Variants in NEGR1 observed in about 807,000 individuals in gnomAD.
NEGR1 encodes IgLON family member 4.
NEGR1 carries 10 observed loss-of-function variants against 40.9 expected under a neutral mutation model. The ratio of observed to expected loss-of-function variants is 0.24; its 90% CI spans 0.15 to 0.42. The LOEUF is 0.42. Among genes scored for constraint, NEGR1 ranks in the 10% least tolerant of loss-of-function variants. The probability of loss-of-function intolerance (pLI) is 1.00; values close to 1 mark genes in which losing one functional copy is unlikely to be tolerated. For synonymous variants in NEGR1, 185 were observed against 166.8 expected (o/e 1.11, Z -0.84); for missense variants, 352 against 438.9 (o/e 0.80, Z 1.77).
chr1:71,469,757 T>G (rs1197653594), intron 6 of NEGR1, among the ~76,000 whole-genome samples: 4 of 152,062 alleles, frequency 2.6e-5, no homozygotes, highest in Non-Finnish European at 5.9e-5. Flanking sequence ...TAAAATACAT[T>G]AATTTTTGTG....
chr1:71,741,615 T>A (rs545250962), intron 3 of NEGR1, among the ~76,000 whole-genome samples: 6 of 152,284 alleles, frequency 3.9e-5, no homozygotes, highest in Admixed American at 3.3e-4. Context: ...TGAATTTATG[T>A]TATTTGGTGG....
intron 1 of NEGR1, among the ~76,000 whole-genome samples, chr1:72,151,124 G>C (rs1025317706): frequency 6.6e-6 from 1 of 151,744 alleles, no homozygotes; most frequent in Non-Finnish European, 1.5e-5. Context: ...TTACAATATA[G>C]AGAAACAAAC....
At chr1:71,595,401 C>T (rs969717649) in intron 5 of NEGR1, among the ~76,000 whole-genome samples, 7 of 152,148 alleles carry the variant, frequency 4.6e-5, no homozygotes, top group Non-Finnish European at 7.3e-5. Flanking sequence ...AGTGCTAACT[C>T]CTCAAACATC....
chr1:71,568,259 C>T (rs149843451), intron 6 of NEGR1, among the ~76,000 whole-genome samples: 7 of 152,234 alleles, frequency 4.6e-5, no homozygotes, highest in Non-Finnish European at 7.4e-5. Flanking sequence ...ATGGGGGATA[C>T]GCATTCCATA....
chr1:71,722,094 CTAT>C (rs1447297636), intron 3 of NEGR1, among the ~76,000 whole-genome samples: 1 of 151,976 alleles, frequency 6.6e-6, no homozygotes, highest in Non-Finnish European at 1.5e-5. Context: ...CAATTAAGTG[CTAT>C]TATCTGGTTG....
At chr1:72,238,827 C>T (rs1334130959) in intron 1 of NEGR1, among the ~76,000 whole-genome samples, 1 of 151,856 alleles carries the variant, frequency 6.6e-6, no homozygotes, top group South Asian at 2.1e-4. Flanking sequence ...GCAAAGAAGG[C>T]ATAGAAGAGG....
At chr1:71,865,279 T>C (rs984268463) in intron 2 of NEGR1, among the ~76,000 whole-genome samples, 3 of 152,178 alleles carry the variant, frequency 2.0e-5, no homozygotes, top group Non-Finnish European at 2.9e-5. Context: ...GTTAGGCACA[T>C]GCACACGTAT....
chr1:71,930,633 G>A (rs190151398), intron 2 of NEGR1, among the ~76,000 whole-genome samples: 2 of 152,012 alleles, frequency 1.3e-5, no homozygotes, highest in African/African-American at 4.8e-5. Context: ...CTTTATAAAG[G>A]CTTTCTCAAA....
intron 6 of NEGR1, among the ~76,000 whole-genome samples, chr1:71,529,500 T>C (rs974104756): frequency 1.3e-5 from 2 of 151,254 alleles, no homozygotes; most frequent in Non-Finnish European, 3.0e-5. Context: ...TTAGGATTAA[T>C]AGTTTGTTTT....
At chr1:72,063,963 TG>T (rs1647218322) in intron 1 of NEGR1, among the ~76,000 whole-genome samples, 1 of 151,898 alleles carries the variant, frequency 6.6e-6, no homozygotes, top group African/African-American at 2.4e-5. Flanking sequence ...TGCTCAGTGA[TG>T]GGATGGCTTA....
chr1:71,911,347 A>C (rs538748098), intron 2 of NEGR1, among the ~76,000 whole-genome samples: 1 of 152,334 alleles, frequency 6.6e-6, no homozygotes, highest in East Asian at 1.9e-4. Flanking sequence ...GTCAGGAATG[A>C]GATGACATCC....
intron 3 of NEGR1, among the ~76,000 whole-genome samples, chr1:71,768,593 A>T (rs992822644): frequency 7.9e-5 from 12 of 152,156 alleles, no homozygotes; most frequent in African/African-American, 2.9e-4. Flanking sequence ...GAAACTTTGA[A>T]CTTTGGACTT....
chr1:72,151,628 T>C (rs140133889), intron 1 of NEGR1, among the ~76,000 whole-genome samples: 7 of 151,864 alleles, frequency 4.6e-5, no homozygotes, highest in African/African-American at 1.4e-4. Context: ...GAAGTTTCAG[T>C]CAATGCAATA....
In NEGR1 at chr1:71,397,272, A is replaced by C. The variant is rs1296636830; in HGVS notation, c.*10174T>G. ...TATTTGGAGGAAGAAATTTCTAAGC[A>C]GCAAAGCATTCAACAGGTGACTTGG... On this transcript the variant is annotated 3_prime_UTR_variant, in exon 7 of 7. Coordinates refer to ENST00000357731, the MANE Select transcript of NEGR1 (RefSeq NM_173808.3). 6.5e-6 allele frequency: 1 copy of C among 154,222 alleles called. No individual in the cohort carries two copies. The highest frequency in any genetic ancestry group is 6.5e-5 in the Admixed American group (1 of 15,308). The allele number at this position is 154,222 out of a possible 1,614,324, so 9.6% of individuals were successfully genotyped here.
intron 3 of NEGR1, among the ~76,000 whole-genome samples, chr1:71,709,526 A>C (rs902235614): frequency 1.2e-4 from 18 of 152,192 alleles, no homozygotes; most frequent in African/African-American, 4.3e-4. Context: ...ACAGACACAT[A>C]GAACAATGGA....
intron 1 of NEGR1, among the ~76,000 whole-genome samples, chr1:72,049,484 G>C (rs1647037005): frequency 6.6e-6 from 1 of 151,608 alleles, no homozygotes; most frequent in African/African-American, 2.4e-5. Context: ...TTATTGATCA[G>C]AAACTGAATT....
intron 1 of NEGR1, among the ~76,000 whole-genome samples, chr1:72,043,048 G>C (rs568622565): frequency 6.6e-6 from 1 of 151,808 alleles, no homozygotes; most frequent in East Asian, 1.9e-4. Flanking sequence ...GAGTGGCATA[G>C]CATACCAGGC....
At chr1:71,930,812 A>G (rs1048319008) in intron 2 of NEGR1, among the ~76,000 whole-genome samples, 1 of 152,214 alleles carries the variant, frequency 6.6e-6, no homozygotes, top group African/African-American at 2.4e-5. Context: ...TATAGTAAGA[A>G]GTAGAGCTGC....
intron 1 of NEGR1, among the ~76,000 whole-genome samples, chr1:72,134,657 T>C (rs1389955808): frequency 1.4e-5 from 2 of 147,030 alleles, no homozygotes; most frequent in African/African-American, 2.4e-5. Flanking sequence ...TTTTTTTTTT[T>C]TTTAACTACT....
Sources: allele counts gnomAD v4.1 joint callset (sites outside exome capture counted in the v4.1 genomes callset), GRCh38; gene constraint gnomAD v4.1.1; transcripts MANE v1.5; gene names NCBI Gene and HGNC (gene_info 2026-07-23, HGNC 2026-07-21).